Variants in PTAFR observed in about 807,000 individuals in gnomAD.
PTAFR encodes the protein platelet-activating factor receptor.
A neutral mutation model predicts 14.7 loss-of-function variants in PTAFR; 8 were observed. The observed-to-expected ratio is 0.54, with a 90% CI of 0.32 to 0.98. PTAFR has a LOEUF of 0.98. Among genes scored for constraint, PTAFR ranks in the 50% least tolerant of loss-of-function variants. The probability of loss-of-function intolerance (pLI) is 0.04; values close to 1 mark genes in which losing one functional copy is unlikely to be tolerated. For missense variants in PTAFR, 337 were observed against 451.2 expected, an observed-to-expected ratio of 0.75 and a Z score of 2.29; for synonymous variants, 156 against 176.5, an observed-to-expected ratio of 0.88 and a Z score of 0.92.
At chr1:28,162,807 C>A (rs1350383015) in intron 1 of PTAFR, among the ~76,000 whole-genome samples, 1 of 125,780 alleles carries the variant, frequency 8.0e-6, no homozygotes, top group Non-Finnish European at 1.6e-5. Flanking sequence ...CCAGCCTGGG[C>A]GACAGAGCGA....
At chr1:28,153,581 CAAAAAA>C (rs36049566) in intron 1 of PTAFR, among the ~76,000 whole-genome samples, 1 of 62,658 alleles carries the variant, frequency 1.6e-5, no homozygotes, top group Non-Finnish European at 3.4e-5. Context: ...CCTGTCTCTA[CAAAAAA>C]AAAAAAAAAA....
At chr1:28,170,457 A>C (rs1479387063) in intron 1 of PTAFR, among the ~76,000 whole-genome samples, 1 of 152,152 alleles carries the variant, frequency 6.6e-6, no homozygotes, top group African/African-American at 2.4e-5. Flanking sequence ...TAATGCCAGC[A>C]CTTTGAGAGG....
At chr1:28,154,515 C>G (rs1478378051) in intron 1 of PTAFR, among the ~76,000 whole-genome samples, 1 of 152,040 alleles carries the variant, frequency 6.6e-6, no homozygotes, top group African/African-American at 2.4e-5. Context: ...TACAAACAAA[C>G]AGGAGTGCTG....
intron 1 of PTAFR, among the ~76,000 whole-genome samples, chr1:28,167,067 T>C (rs1391773958): frequency 6.6e-6 from 1 of 152,120 alleles, no homozygotes; most frequent in Non-Finnish European, 1.5e-5. Context: ...TTCCTGGATA[T>C]GACACCAAAA....
At chr1:28,160,613 T>C (rs1404722051) in intron 1 of PTAFR, among the ~76,000 whole-genome samples, 1 of 136,210 alleles carries the variant, frequency 7.3e-6, no homozygotes, top group Non-Finnish European at 1.5e-5. Context: ...TGTGCCTGCA[T>C]GCTAATCTCT....
chr1:28,190,991 C>T (rs185871963), intron 1 of PTAFR, among the ~76,000 whole-genome samples: 36 of 152,326 alleles, frequency 2.4e-4, no homozygotes, highest in Middle Eastern at 3.4e-3. Context: ...CGGTAAAGGA[C>T]GCCTGGCCGC....
chr1:28,188,746 C>A (rs1646626927), intron 1 of PTAFR, among the ~76,000 whole-genome samples: 1 of 151,650 alleles, frequency 6.6e-6, no homozygotes, highest in Non-Finnish European at 1.5e-5. Context: ...AAACAAAAAC[C>A]AAAAACTGAT....
chr1:28,179,128 G>T (rs1441022624), upstream of PTAFR, among the ~76,000 whole-genome samples: 1 of 152,142 alleles, frequency 6.6e-6, no homozygotes, highest in Non-Finnish European at 1.5e-5. Flanking sequence ...CATGCAAACT[G>T]CTCACCTAAA....
intron 1 of PTAFR, among the ~76,000 whole-genome samples, chr1:28,152,214 A>G (rs1646201234): frequency 6.6e-6 from 1 of 152,028 alleles, no homozygotes; most frequent in Non-Finnish European, 1.5e-5. Flanking sequence ...GTTTTTTCCT[A>G]CATAAAATAA....
chr1:28,166,606 G>A (rs1211726587), intron 1 of PTAFR, among the ~76,000 whole-genome samples: 1 of 152,030 alleles, frequency 6.6e-6, no homozygotes. Context: ...GGGAGGCGGA[G>A]GTTGCAGTGA....
intron 1 of PTAFR, among the ~76,000 whole-genome samples, chr1:28,187,405 C>A (rs1646615744): frequency 6.6e-6 from 1 of 152,098 alleles, no homozygotes. Context: ...CACTTCATAT[C>A]CAGAATTAAA....
chr1:28,161,395 G>A (rs1646321830), intron 1 of PTAFR, among the ~76,000 whole-genome samples: 1 of 152,106 alleles, frequency 6.6e-6, no homozygotes, highest in Admixed American at 6.6e-5. Flanking sequence ...CATTCTAGTT[G>A]GGGGAAACAG....
intron 1 of PTAFR, among the ~76,000 whole-genome samples, chr1:28,152,658 A>G (rs1307369004): frequency 1.3e-5 from 2 of 152,042 alleles, no homozygotes; most frequent in Non-Finnish European, 2.9e-5. Context: ...CAGGAGAATC[A>G]CTTGAACCCG....
At chr1:28,178,998 CA>C (rs369253626), upstream of PTAFR, among the ~76,000 whole-genome samples, 12 of 146,858 alleles carry the variant, frequency 8.2e-5, no homozygotes, top group Admixed American at 1.4e-4. Context: ...ATATTTAAAA[CA>C]AAAAAAAAAG....
intron 1 of PTAFR, among the ~76,000 whole-genome samples, chr1:28,167,431 T>C (rs1347138286): frequency 6.6e-6 from 1 of 152,138 alleles, no homozygotes; most frequent in Admixed American, 6.6e-5. Flanking sequence ...CCCACTGGAA[T>C]GGCCACTATC....
chr1:28,175,132 TC>T (rs1646498687), intron 1 of PTAFR, among the ~76,000 whole-genome samples: 1 of 152,126 alleles, frequency 6.6e-6, no homozygotes. Flanking sequence ...CAGGATGGTC[TC>T]CATCTCTTGA....
intron 1 of PTAFR, among the ~76,000 whole-genome samples, chr1:28,153,849 C>A (rs1646226672): frequency 6.6e-6 from 1 of 151,572 alleles, no homozygotes; most frequent in Non-Finnish European, 1.5e-5. Context: ...GATTGTGCCA[C>A]CGCACTCCAG....
chr1:28,190,411 A>G (rs1360773096), intron 1 of PTAFR, among the ~76,000 whole-genome samples: 1 of 152,202 alleles, frequency 6.6e-6, no homozygotes, highest in Admixed American at 6.5e-5. Flanking sequence ...GGAGGCTTCT[A>G]TTACATCTGT....
At chr1:28,192,247 G>A (rs941623033) in intron 1 of PTAFR, among the ~76,000 whole-genome samples, 1 of 152,000 alleles carries the variant, frequency 6.6e-6, no homozygotes, top group East Asian at 1.9e-4. Context: ...CTTCATAAAG[G>A]TTTTACACAA....
Sources: gnomAD v4.1 joint callset for allele counts (sites outside exome capture counted in the v4.1 genomes callset) on GRCh38, gnomAD v4.1.1 for gene constraint, MANE v1.5 for transcripts, NCBI Gene and HGNC (gene_info 2026-07-23, HGNC 2026-07-21) for gene names.